The following WAPL variants were observed in gnomAD, a reference collection of about 807,000 sequenced individuals.
WAPL encodes the protein WAPL cohesin release factor.
Under a neutral mutation model 121.0 loss-of-function variants are expected in WAPL, and 5 were observed. That is an observed-to-expected ratio of 0.04 (90% confidence interval 0.02 to 0.09). WAPL has a LOEUF of 0.09. Among genes scored for constraint, WAPL ranks in the 10% least tolerant of loss-of-function variants. WAPL has a pLI of 1.00. For synonymous variants in WAPL, 480 were observed against 481.5 expected (o/e 1.00, Z 0.04); for missense variants, 999 against 1,410.8 (o/e 0.71, Z 4.68).
intron 17 of WAPL, 93 bp downstream of exon 17, chr10:86,443,182 G>A (rs976644041): frequency 2.0e-6 from 2 of 984,144 alleles, no homozygotes; most frequent in African/African-American, 3.2e-5. Context: ...GGGAAACACT[G>A]AAGAAATAAA....
At chr10:86,440,129 A>C (rs917469386) in intron 17 of WAPL, among the ~76,000 whole-genome samples, 2 of 152,228 alleles carry the variant, frequency 1.3e-5, no homozygotes, top group South Asian at 2.1e-4. Flanking sequence ...AAACACAAAT[A>C]GGAATTAGCA....
intron 4 of WAPL, among the ~76,000 whole-genome samples, chr10:86,483,794 CTTTTTTT>C (rs35725128): frequency 4.0e-4 from 28 of 69,220 alleles, no homozygotes; most frequent in Non-Finnish European, 6.3e-4. Context: ...ATTTTTTTTT[CTTTTTTT>C]TTTTTTTTTT....
At position 86,467,356 on chromosome 10, in the gene WAPL, T is replaced by C. The variant is rs1434740090; in HGVS notation, c.2293A>G (p.Met765Val). The C allele has an allele frequency of 5.0e-6, 8 of 1,614,008 alleles. No individual in the cohort carries two copies. Among genetic ancestry groups the C allele is most frequent in the Non-Finnish European group, 6.8e-6 (8 of 1,180,018 alleles). Residue 765 changes from methionine to valine, a missense_variant, in exon 9 of 19, where the codon ATG becomes GTG. Transcript: ENST00000298767. ...CGGATTTTTTCTTTAATTTTGTTCA[T>C]GTCTTTTTCATTCAGTAGCTTGGCT... ...SSAKLLNEKDMNKIKEKIRRL... is the reference protein window; with the variant it reads ...SSAKLLNEKDVNKIKEKIRRL...
intron 4 of WAPL, among the ~76,000 whole-genome samples, chr10:86,486,573 G>GA (rs1469598445): frequency 6.6e-6 from 1 of 152,182 alleles, no homozygotes; most frequent in East Asian, 1.9e-4. Context: ...CAGATGGGAA[G>GA]AAAAAATTAA....
intron 2 of WAPL, among the ~76,000 whole-genome samples, chr10:86,511,133 A>G (rs768537168): frequency 7.9e-5 from 12 of 152,238 alleles, no homozygotes; most frequent in South Asian, 2.1e-4. Flanking sequence ...CTGGCCCATC[A>G]TTCTTATTAA....
chr10:86,463,722 C>T (rs1302264666), intron 9 of WAPL, among the ~76,000 whole-genome samples: 1 of 152,220 alleles, frequency 6.6e-6, no homozygotes, highest in Non-Finnish European at 1.5e-5. Flanking sequence ...CTGACTTACA[C>T]AGAGCAACTT....
At chr10:86,519,973 A>C (rs1392038623) in intron 1 of WAPL, among the ~76,000 whole-genome samples, 2 of 152,226 alleles carry the variant, frequency 1.3e-5, no homozygotes, top group South Asian at 4.1e-4. Context: ...CCTGACACTA[A>C]GGACTTAATT....
At position 86,499,773 on chromosome 10, in the gene WAPL, A is replaced by G; in HGVS notation, c.1470T>C (p.Pro490=). The G allele has an allele frequency of 6.2e-7, 1 of 1,604,510 alleles. No individual in the cohort carries two copies. The highest frequency in any genetic ancestry group is 8.5e-7 in the Non-Finnish European group (1 of 1,177,224). Residue 490 remains proline (P), a synonymous_variant, in exon 3 of 19, where the codon CCT becomes CCC. Coordinates refer to ENST00000298767, the MANE Select transcript of WAPL (RefSeq NM_015045.5). The stretch of plus-strand genomic sequence containing the variant: ...GGGAATTATCATTGCTTTCTGGGGG[A>G]GGCTGCAAGGAGGGTGATGGAGCTG... ...TKTAPSPSLQ[P]PPESNDNSQD...
chr10:86,451,302 T>C (rs542152168), intron 15 of WAPL, among the ~76,000 whole-genome samples: 1 of 152,194 alleles, frequency 6.6e-6, no homozygotes. Context: ...TAAGGAGTGA[T>C]TATAACAGTC....
At chr10:86,497,380 T>A (rs2132218639) in intron 3 of WAPL, 61 bp from the exon 4 acceptor site, 1 of 1,195,820 alleles carries the variant, frequency 8.4e-7, no homozygotes, top group Admixed American at 2.0e-5. Flanking sequence ...CCAGACAACC[T>A]ATCAAGATTA....
At chr10:86,483,793 T>TA (rs1841857680) in intron 4 of WAPL, among the ~76,000 whole-genome samples, 1 of 109,920 alleles carries the variant, frequency 9.1e-6, no homozygotes, top group Non-Finnish European at 1.7e-5. Flanking sequence ...AATTTTTTTT[T>TA]CTTTTTTTTT....
chr10:86,514,601 T>C (rs1842521756), intron 2 of WAPL, among the ~76,000 whole-genome samples: 1 of 152,138 alleles, frequency 6.6e-6, no homozygotes, highest in Non-Finnish European at 1.5e-5. Flanking sequence ...TCAGAGTCAG[T>C]CCACAGTATC....
At chr10:86,442,658 T>TAGCATGTAAAAAATGCTATA (rs1298062642) in intron 17 of WAPL, among the ~76,000 whole-genome samples, 8 of 152,312 alleles carry the variant, frequency 5.3e-5, no homozygotes, top group African/African-American at 1.9e-4. Flanking sequence ...TGGAAAGGAT[T>TAGCATGTAAAAAATGCTATA]AGCATGTAAA....
chr10:86,518,145 G>A, intron 1 of WAPL, 54 bp from the exon 2 acceptor site: 1 of 1,491,548 alleles, frequency 6.7e-7, no homozygotes, highest in Non-Finnish European at 9.0e-7. Context: ...GTGTTAAACA[G>A]TGCATATAAA....
At chr10:86,477,552 C>T (rs1334350693) in intron 4 of WAPL, among the ~76,000 whole-genome samples, 1 of 152,130 alleles carries the variant, frequency 6.6e-6, no homozygotes, top group Non-Finnish European at 1.5e-5. Context: ...CCTGTAATCC[C>T]AGCATTTTGG....
chr10:86,438,810 T>C (rs1849390380), intron 17 of WAPL, among the ~76,000 whole-genome samples: 1 of 152,224 alleles, frequency 6.6e-6, no homozygotes, highest in African/African-American at 2.4e-5. Context: ...TCATCTATGA[T>C]AGATTCTCAG....
chr10:86,462,230 G>C (rs1841294757), intron 9 of WAPL, among the ~76,000 whole-genome samples: 1 of 152,154 alleles, frequency 6.6e-6, no homozygotes, highest in South Asian at 2.1e-4. Flanking sequence ...AGCAAAGACT[G>C]ACAAGATCTG....
Position 86,437,488 on chromosome 10 carries a change from C to G in WAPL, c.*55G>C. 12 of 1,569,476 alleles carry G rather than the reference C, an allele frequency of 7.6e-6. No homozygotes were observed. The highest frequency in any genetic ancestry group is 1.0e-5 in the Non-Finnish European group (12 of 1,153,320). On this transcript the variant is annotated 3_prime_UTR_variant, in exon 19 of 19. Coordinates refer to ENST00000298767, the MANE Select transcript of WAPL (RefSeq NM_015045.5). ...GGACTTCTTTCATGACTTGACTTTT[C>G]TTTGTCTAAGGATAGCTCCAGCATT...
chr10:86,486,685 A>G (rs970019607), intron 4 of WAPL, among the ~76,000 whole-genome samples: 2 of 152,174 alleles, frequency 1.3e-5, no homozygotes, highest in African/African-American at 4.8e-5. Context: ...GCTGGGCATG[A>G]TGGCTTATGC....
Sources: allele counts gnomAD v4.1 joint callset (sites outside exome capture counted in the v4.1 genomes callset), GRCh38; gene constraint gnomAD v4.1.1; transcripts MANE v1.5; gene names NCBI Gene and HGNC (gene_info 2026-07-23, HGNC 2026-07-21).